Variants in AGRN observed in about 807,000 individuals in gnomAD.
AGRN encodes the protein agrin, also known as agrin proteoglycan.
Under a neutral mutation model 211.0 loss-of-function variants are expected in AGRN, and 106 were observed. That is an observed-to-expected ratio of 0.50 (90% confidence interval 0.43 to 0.59). The LOEUF is 0.59. AGRN is among the 20% of genes least tolerant of loss of function. The pLI is 0.00. For synonymous variants in AGRN, 1,525 were observed against 1,332.5 expected, an observed-to-expected ratio of 1.14 and a Z score of -3.15; for missense variants, 3,040 against 2,982.6, an observed-to-expected ratio of 1.02 and a Z score of -0.45.
At position 1,054,454 on chromosome 1, in the gene AGRN, G is replaced by T. The variant is rs1210257970; in HGVS notation, c.5883G>T (p.Gln1961His). 1.3e-6 allele frequency: 2 copies of T among 1,586,390 alleles called. No individual in the cohort carries two copies. Among genetic ancestry groups the T allele is most frequent in the Middle Eastern group, 1.7e-4 (1 of 5,910 alleles). Residue 1961 changes from glutamine (Q) to histidine (H), a missense_variant, in exon 35 of 36, where the codon CAG (glutamine) becomes CAT (histidine). Transcript: ENST00000379370. The part of the protein sequence containing the change: ...RWLRVVAHRE[Q>H]REGSLQVGNE... Reference sequence around the variant, plus strand: ...CCCCTCCCTGCACACCCAGGGAGCAGAGGGAAGGTTCCCTGCAGGTGGGCA... The same window carrying T: ...CCCCTCCCTGCACACCCAGGGAGCATAGGGAAGGTTCCCTGCAGGTGGGCA...
At position 1,045,680 on chromosome 1, in the gene AGRN, G is replaced by A. The variant is rs1026862067; in HGVS notation, c.2537-53G>A. 3.1e-6 allele frequency: 5 copies of A among 1,612,458 alleles called. No homozygotes were observed. In the South Asian group the frequency reaches 3.3e-5, roughly 11 times the overall value. ...TTGGGGACCAGGCTCTGGAGGAGGTGGGGAAGCCCGTCCAGGTGCGGACAT... is the reference window on the plus strand; with the variant it reads ...TTGGGGACCAGGCTCTGGAGGAGGTAGGGAAGCCCGTCCAGGTGCGGACAT... On this transcript the variant is annotated intron_variant, in intron 14 of 35. Coordinates refer to ENST00000379370, the MANE Select transcript of AGRN (RefSeq NM_198576.4).
intron 2 of AGRN, among the ~76,000 whole-genome samples, chr1:1,028,323 C>A (rs79350295): frequency 0.38 from 9,399 of 24,832 alleles, 917 homozygotes; most frequent in East Asian, 0.51. Context: ...GGGAAACGCC[C>A]CCCCCCCCCC....
chr1:1,035,261 A>T lies in AGRN; in HGVS notation c.464-16A>T, dbSNP rs767599986. 10 of 1,611,066 alleles carry T rather than the reference A, an allele frequency of 6.2e-6. No homozygotes were observed. In the South Asian group the frequency reaches 7.7e-5, roughly 12 times the overall value. On this transcript the variant is annotated splice_polypyrimidine_tract_variant and intron_variant, in intron 2 of 35. Transcript: ENST00000379370. ...CTGCTCAGAGGAGCCTAACTTGGGG[A>T]TTTGTTTTCTTCCAGATAAACCCGG...
rs940969982 is a variant in AGRN at position 1,032,926 on chromosome 1, G to A, written c.464-2351G>A. The stretch of plus-strand genomic sequence containing the variant: ...GGATGGTGCACACACCGGACCGGAC[G>A]GGCCCCTCCCTTACCCCCGGATCCC... On this transcript the variant is annotated intron_variant, in intron 2 of 35. Transcript: ENST00000379370. The surrounding 1 kb of genome is among the most constrained non-coding windows in gnomAD (Gnocchi z 4.7). Among the ~76,000 whole-genome samples, 6 of 152,036 alleles carry A rather than the reference G, an allele frequency of 3.9e-5. No individual in the cohort carries two copies. Among genetic ancestry groups the A allele is most frequent in the African/African-American group, 1.2e-4 (5 of 41,390 alleles).
In AGRN at chr1:1,046,200, A is replaced by G. The variant is rs766452823; in HGVS notation, c.2846A>G (p.Gln949Arg). 2.5e-6 allele frequency: 4 copies of G among 1,613,620 alleles called. No individual in the cohort carries two copies. Among genetic ancestry groups the G allele is most frequent in the South Asian group, 2.2e-5 (2 of 91,094 alleles). ...SDGVTYGNEC[Q>R]LKTIACRQGL... ...GGAGTCACATACGGCAACGAGTGTC[A>G]GCTGAAGACCATCGCCTGCCGCCAG... Residue 949 changes from glutamine (Q) to arginine (R), a missense_variant, in exon 17 of 36, where the codon CAG becomes CGG. Physicochemically the swap from Gln to Arg is conservative, Grantham distance 43. This residue lies in a region of AGRN where 1,498 missense variants were observed against 1,457.8 expected (regional missense o/e 1.03). Transcript: ENST00000379370.
In AGRN at chr1:1,049,416, C is replaced by T. The variant is rs757325737; in HGVS notation, c.4479C>T (p.Leu1493=). ...GTDGLNLDTD[L]FVGGVPEDQA... ...ACGGCCTCAACCTGGACACAGACCT[C>T]TTTGTGGGCGGCGTACCCGAGGACC... The change falls in exon 25 of 36, where the codon CTC becomes CTT. Residue 1493 remains leucine, a synonymous_variant. Coordinates refer to ENST00000379370, the MANE Select transcript of AGRN (RefSeq NM_198576.4). The T allele has an allele frequency of 6.3e-7, 1 of 1,599,230 alleles. No individual in the cohort carries two copies. The highest frequency in any genetic ancestry group is 1.1e-5 in the South Asian group (1 of 91,076).
chr1:1,030,544 C>T (rs1644642331), intron 2 of AGRN, among the ~76,000 whole-genome samples: 1 of 95,216 alleles, frequency 1.1e-5, no homozygotes. Flanking sequence ...TGTGTGTGTG[C>T]AGCGCATGGT....
Position 1,049,110 on chromosome 1 carries a change from A to AT in AGRN, c.4298+51_4298+52insT, listed in dbSNP as rs1289471339. On this transcript the variant is annotated intron_variant, in intron 24 of 35. Transcript: ENST00000379370. The stretch of plus-strand genomic sequence containing the variant: ...GGCAGCTCAGGTGGGCGGGGAGGGG[A>AT]CGGGCGGGGGAGGGGGGGCCGGGGC... 9.5e-6 allele frequency: 3 copies of AT among 317,372 alleles called. No homozygotes were observed. In the African/African-American group the frequency reaches 2.5e-4, roughly 26 times the overall value. The allele number at this position is 317,372 out of a possible 1,614,324, so 19.7% of individuals were successfully genotyped here.
At position 1,047,226 on chromosome 1, in the gene AGRN, C is replaced by T. The variant is rs1203481109; in HGVS notation, c.3389-101C>T. On this transcript the variant is annotated intron_variant, in intron 19 of 35. Transcript: ENST00000379370. ...CTCATGACCATCTGACTAACATCCA[C>T]CTTCCCTTGCACCCTTGTGGCTTGC... is the stretch of plus-strand genomic sequence containing the variant. The T allele has an allele frequency of 3.3e-6, 5 of 1,512,012 alleles. No homozygotes were observed. In the East Asian group the frequency reaches 6.8e-5, roughly 21 times the overall value. The allele number at this position is 1,512,012 out of a possible 1,614,324, so 93.7% of individuals were successfully genotyped here.
In AGRN at chr1:1,049,323, C is replaced by T. The variant is rs1158934281; in HGVS notation, c.4386C>T (p.His1462=). 1.0e-5 allele frequency: 16 copies of T among 1,597,316 alleles called. No individual in the cohort carries two copies. The highest frequency in any genetic ancestry group is 2.2e-5 in the East Asian group (1 of 44,782). Residue 1462 remains histidine (H), a synonymous_variant, in exon 25 of 36, where the codon CAC becomes CAT. Coordinates refer to ENST00000379370, the MANE Select transcript of AGRN (RefSeq NM_198576.4). ...GQWHRLELSR[H]WRRGTLSVDG... is the part of the protein sequence containing the mutation. Reference sequence around the variant, plus strand: ...GGCACCGCCTGGAGCTGTCCCGGCACTGGCGCCGGGGCACCCTCTCGGTGG... The same window carrying T: ...GGCACCGCCTGGAGCTGTCCCGGCATTGGCGCCGGGGCACCCTCTCGGTGG...
In AGRN at chr1:1,045,338, T is replaced by C. The variant is rs369465400; in HGVS notation, c.2372-21T>C. The C allele has an allele frequency of 3.4e-5, 55 of 1,611,984 alleles. No individual in the cohort carries two copies. In the African/African-American group the frequency reaches 6.8e-4, roughly 20 times the overall value. ...GTGCGGCTGTGCGGCCACGTGACCT[T>C]GTCCTGCCCTGGCCTTTCAGGTGCC... On this transcript the variant is annotated intron_variant, in intron 13 of 35. Coordinates refer to ENST00000379370, the MANE Select transcript of AGRN (RefSeq NM_198576.4).
chr1:1,022,670 C>G (rs1191685738), intron 2 of AGRN, among the ~76,000 whole-genome samples: 1 of 152,274 alleles, frequency 6.6e-6, no homozygotes, highest in Non-Finnish European at 1.5e-5. Flanking sequence ...ATCTTTGGCC[C>G]TGGGGCCCAA....
intron 30 of AGRN, 134 bp downstream of exon 30, chr1:1,050,971 C>T: frequency 2.6e-6 from 4 of 1,550,268 alleles, no homozygotes; most frequent in Non-Finnish European, 3.5e-6. Context: ...TGTCCTCTGC[C>T]TCCTCTGCCT....
rs750176911 is a variant in AGRN at position 1,049,672 on chromosome 1, C to G, written c.4621C>G (p.Arg1541Gly). ...TGGCATTGGGCCGGGGGCTGCCACC[C>G]GAGGCTCTGGCGTGGGCGAGTGCGG... ...ELGIGPGAAT[R>G]GSGVGECGDH... The change falls in exon 26 of 36, where the codon CGA becomes GGA. Residue 1541 changes from arginine (R) to glycine (G), a missense_variant. Physicochemically the swap from Arg to Gly is moderately radical, Grantham distance 125. This residue lies in a region of AGRN where 1,537 missense variants were observed against 1,505.0 expected (regional missense o/e 1.02). Coordinates refer to ENST00000379370, the MANE Select transcript of AGRN (RefSeq NM_198576.4). The G allele has an allele frequency of 1.9e-6, 3 of 1,576,576 alleles. No individual in the cohort carries two copies. Among genetic ancestry groups the G allele is most frequent in the African/African-American group, 2.7e-5 (2 of 74,282 alleles).
rs766825692 is a variant in AGRN at position 1,047,624 on chromosome 1, C to T, written c.3568C>T (p.Arg1190Cys). ...CGTCAAGAAGGATTTTCGGAGTGTC[C>T]GCTTGCGGGACCTGGGGCCCGGCAA... ...SDVKKDFRSV[R>C]LRDLGPGKSV... The change falls in exon 21 of 36, where the codon CGC (arginine) becomes TGC (cysteine). Residue 1190 changes from arginine (R) to cysteine (C), a missense_variant. By Grantham distance (180) the Arg-to-Cys change is radical. Coordinates refer to ENST00000379370, the MANE Select transcript of AGRN (RefSeq NM_198576.4). The T allele has an allele frequency of 4.3e-6, 7 of 1,612,932 alleles. No homozygotes were observed. The highest frequency in any genetic ancestry group is 5.9e-6 in the Non-Finnish European group (7 of 1,180,040).
Position 1,045,948 on chromosome 1 carries a change from C to A in AGRN, c.2681-16C>A. 1 of 1,613,160 alleles carries A rather than the reference C, an allele frequency of 6.2e-7. No homozygotes were observed. The highest frequency in any genetic ancestry group is 1.1e-5 in the South Asian group (1 of 91,082). ...GGTCACCCGAGCCACAGAGGTTTCC[C>A]ATGCCCGTGCCCCAGACGCTTCTGC... On this transcript the variant is annotated splice_polypyrimidine_tract_variant and intron_variant, in intron 15 of 35. Transcript: ENST00000379370.
At chr1:1,050,080 T>G (rs2275811) in intron 27 of AGRN, 43 bp downstream of exon 27, 2 of 1,497,100 alleles carry the variant, frequency 1.3e-6, no homozygotes, top group African/African-American at 1.5e-5. Context: ...GGGGGGGGGT[T>G]GAACGTTTGG....
In AGRN at chr1:1,020,852, G is replaced by GA. The variant is rs924569074; in HGVS notation, c.201+479_201+480insA. On this transcript the variant is annotated intron_variant, in intron 1 of 35. Coordinates refer to ENST00000379370, the MANE Select transcript of AGRN (RefSeq NM_198576.4). ...TGGGGGGTGCCGCAGTGGTGCGGGG[G>GA]GGGGGCGTGCAGGAGCAGAGAGGTG... Among the ~76,000 whole-genome samples the GA allele has an allele frequency of 3.4e-5, 5 of 146,834 alleles. 1 individual carries two copies. The highest frequency in any genetic ancestry group is 1.2e-4 in the African/African-American group (5 of 40,682).
chr1:1,023,352 T>G (rs1644452792), intron 2 of AGRN, among the ~76,000 whole-genome samples: 1 of 152,188 alleles, frequency 6.6e-6, no homozygotes, highest in Admixed American at 6.5e-5. Flanking sequence ...CTGGGGGCTA[T>G]GCAGGGGGAG....
Sources: gnomAD v4.1 joint callset for allele counts (sites outside exome capture counted in the v4.1 genomes callset) on GRCh38, gnomAD v4.1.1 for gene constraint, gnomAD v4.1.1 regional missense constraint, Gnocchi (gnomAD v3.1) non-coding constraint, MANE v1.5 for transcripts, NCBI Gene and HGNC (gene_info 2026-07-23, HGNC 2026-07-21) for gene names.